Variants in ROBO2 observed in about 807,000 individuals in gnomAD.
ROBO2 encodes roundabout homolog 2.
ROBO2 carries 53 observed loss-of-function variants against 160.8 expected under a neutral mutation model. The ratio of observed to expected loss-of-function variants is 0.33; its 90% confidence interval spans 0.26 to 0.41. ROBO2 has a LOEUF of 0.41. Among genes scored for constraint, ROBO2 ranks in the 10% least tolerant of loss-of-function variants. The pLI is 1.00. For missense variants in ROBO2, 1,577 were observed against 1,722.4 expected (o/e 0.92, Z 1.49); for synonymous variants, 664 against 611.7 (o/e 1.09, Z -1.26).
intron 2 of ROBO2, among the ~76,000 whole-genome samples, chr3:76,539,561 T>C (rs1055463633): frequency 1.3e-5 from 2 of 152,148 alleles, no homozygotes; most frequent in Non-Finnish European, 1.5e-5. Flanking sequence ...ATTTAAACCA[T>C]TGGAAAAAAC....
At chr3:76,394,234 C>T (rs1183406573) in intron 2 of ROBO2, among the ~76,000 whole-genome samples, 2 of 152,168 alleles carry the variant, frequency 1.3e-5, no homozygotes, top group Non-Finnish European at 2.9e-5. Flanking sequence ...ATGGTCTTTA[C>T]ATTTTGTCAT....
chr3:76,189,305 A>G (rs2107165623), intron 2 of ROBO2, among the ~76,000 whole-genome samples: 1 of 152,258 alleles, frequency 6.6e-6, no homozygotes, highest in African/African-American at 2.4e-5. Context: ...TGGGAAAAAA[A>G]GGTGTTTTTA....
chr3:76,633,664 G>A (rs187796718), intron 2 of ROBO2, among the ~76,000 whole-genome samples: 1 of 152,340 alleles, frequency 6.6e-6, no homozygotes. Flanking sequence ...TCCATGGAAT[G>A]TAGGGAAATA....
chr3:76,641,019 TCTTC>T (rs1325226093), intron 2 of ROBO2, among the ~76,000 whole-genome samples: 5 of 152,308 alleles, frequency 3.3e-5, no homozygotes, highest in African/African-American at 1.2e-4. Context: ...AATAATTAAC[TCTTC>T]CTTATAAAAA....
At chr3:76,241,695 C>T (rs774206830) in intron 2 of ROBO2, among the ~76,000 whole-genome samples, 12 of 152,138 alleles carry the variant, frequency 7.9e-5, no homozygotes, top group Non-Finnish European at 1.8e-4. Flanking sequence ...TATAAAAGCT[C>T]ATTTTCGGAT....
At chr3:76,454,689 C>T (rs945678981) in intron 2 of ROBO2, among the ~76,000 whole-genome samples, 14 of 152,066 alleles carry the variant, frequency 9.2e-5, no homozygotes, top group South Asian at 2.1e-4. Flanking sequence ...GCATTTAGCC[C>T]GGTGCCTGGC....
At chr3:77,482,794 A>G (rs1355448874) in intron 4 of ROBO2, among the ~76,000 whole-genome samples, 1 of 152,012 alleles carries the variant, frequency 6.6e-6, no homozygotes, top group Non-Finnish European at 1.5e-5. Context: ...GCCCACAAGT[A>G]TAGCTCTTCT....
At chr3:77,277,212 C>CTTTCTTTCTTCT (rs762489739) in intron 2 of ROBO2, among the ~76,000 whole-genome samples, 35 of 80,074 alleles carry the variant, frequency 4.4e-4, no homozygotes, top group South Asian at 1.4e-3. Context: ...TTCTTTCTTT[C>CTTTCTTTCTTCT]TTCTTTCTTT....
intron 1 of ROBO2, among the ~76,000 whole-genome samples, chr3:75,914,942 T>G (rs929886575): frequency 3.3e-5 from 5 of 152,212 alleles, no homozygotes; most frequent in African/African-American, 1.2e-4. Flanking sequence ...GGCCAGCTGT[T>G]CCTTTTGCCC....
At chr3:76,998,840 T>C (rs925478415) in intron 2 of ROBO2, among the ~76,000 whole-genome samples, 2 of 152,148 alleles carry the variant, frequency 1.3e-5, no homozygotes, top group Admixed American at 1.3e-4. Context: ...GCCAAGTATA[T>C]TGAGGGTGTA....
At chr3:75,986,529 G>GT (rs1477879203) in intron 2 of ROBO2, among the ~76,000 whole-genome samples, 1 of 150,636 alleles carries the variant, frequency 6.6e-6, no homozygotes, top group Non-Finnish European at 1.5e-5. Context: ...TTTTTTGGCA[G>GT]TTTTTTAAAA....
At chr3:76,728,499 G>A (rs1192282325) in intron 2 of ROBO2, among the ~76,000 whole-genome samples, 1 of 152,106 alleles carries the variant, frequency 6.6e-6, no homozygotes, top group Non-Finnish European at 1.5e-5. Context: ...TAAAACATTA[G>A]TAAATCATTA....
chr3:76,076,939 G>A (rs1347597666), intron 2 of ROBO2, among the ~76,000 whole-genome samples: 3 of 152,120 alleles, frequency 2.0e-5, no homozygotes, highest in Non-Finnish European at 4.4e-5. Flanking sequence ...AAGCTCAGAC[G>A]TCTAGGTTGG....
intron 2 of ROBO2, among the ~76,000 whole-genome samples, chr3:76,500,625 A>G (rs955510053): frequency 2.0e-5 from 3 of 152,168 alleles, no homozygotes; most frequent in Non-Finnish European, 4.4e-5. Flanking sequence ...TTCTTCACAA[A>G]AGCAGTCACA....
At chr3:76,138,913 T>A (rs2071527817) in intron 2 of ROBO2, among the ~76,000 whole-genome samples, 2 of 152,150 alleles carry the variant, frequency 1.3e-5, no homozygotes. Context: ...GGAAAATCCT[T>A]TATCTGATCA....
chr3:76,069,515 C>T (rs904623763), intron 2 of ROBO2, among the ~76,000 whole-genome samples: 16 of 120,886 alleles, frequency 1.3e-4, no homozygotes, highest in Non-Finnish European at 2.0e-4. Flanking sequence ...AGACAGCAGG[C>T]TTATTGCTAG....
intron 1 of ROBO2, among the ~76,000 whole-genome samples, chr3:75,915,154 T>C (rs1946758627): frequency 6.6e-6 from 1 of 152,198 alleles, no homozygotes; most frequent in South Asian, 2.1e-4. Flanking sequence ...TGAATTTGCC[T>C]CTCTAGTTTG....
chr3:76,151,417 G>A (rs1459395477), intron 2 of ROBO2, among the ~76,000 whole-genome samples: 2 of 152,074 alleles, frequency 1.3e-5, no homozygotes, highest in East Asian at 1.9e-4. Context: ...CTCCTTGGGC[G>A]GTCTATTTCA....
At chr3:77,550,164 T>G (rs1454746087) in intron 7 of ROBO2, among the ~76,000 whole-genome samples, 1 of 152,048 alleles carries the variant, frequency 6.6e-6, no homozygotes, top group African/African-American at 2.4e-5. Context: ...TGAAATTGTT[T>G]AAGGTAACAC....
Sources: allele counts gnomAD v4.1 joint callset (sites outside exome capture counted in the v4.1 genomes callset), GRCh38; gene constraint gnomAD v4.1.1; transcripts MANE v1.5; gene names NCBI Gene and HGNC (gene_info 2026-07-23, HGNC 2026-07-21).